The following TRIP11 variants were observed in gnomAD, a reference collection of about 807,000 sequenced individuals.
The protein encoded by TRIP11 is thyroid hormone receptor interactor 11.
A neutral mutation model predicts 223.1 loss-of-function variants in TRIP11; 148 were observed. The observed-to-expected ratio is 0.66, with a 90% CI of 0.58 to 0.76. The LOEUF (loss-of-function observed/expected upper bound fraction) is 0.76, where lower values mean the gene tolerates loss of function less well. Ranked by LOEUF, TRIP11 falls within the 30% of genes least tolerant of loss-of-function variation. The probability of loss-of-function intolerance (pLI) is 0.00; values close to 1 mark genes in which losing one functional copy is unlikely to be tolerated. For synonymous variants in TRIP11, 762 were observed against 772.6 expected (o/e 0.99, Z 0.23); for missense variants, 2,043 against 2,222.0 (o/e 0.92, Z 1.62).
intron 1 of TRIP11, among the ~76,000 whole-genome samples, chr14:92,034,424 C>T (rs868619637): frequency 7.5e-6 from 1 of 133,384 alleles, no homozygotes; most frequent in Non-Finnish European, 1.6e-5. Flanking sequence ...CTCTTGTCTC[C>T]AAAAAAAAAA....
Position 91,988,311 on chromosome 14 carries a change from C to T in TRIP11, c.5233G>A (p.Glu1745Lys). 6.2e-7 allele frequency: 1 copy of T among 1,613,084 alleles called. No homozygotes were observed. The highest frequency in any genetic ancestry group is 1.1e-5 in the South Asian group (1 of 91,000). The change falls in exon 16 of 21, where the codon GAA becomes AAA. Residue 1745 changes from glutamate to lysine, a missense_variant. By Grantham distance (56) the Glu-to-Lys change is moderately conservative. Coordinates refer to ENST00000267622, the MANE Select transcript of TRIP11 (RefSeq NM_004239.4). ...TGTCTTTTAAGTTCTTCAATTTGTT[C>T]TTCTTTTACATCTAACTGTTCTGTA... is the stretch of plus-strand genomic sequence containing the variant. ...RLTEQLDVKE[E>K]QIEELKRQNE...
At chr14:92,003,258 GTC>G (rs1189910855) in intron 11 of TRIP11, among the ~76,000 whole-genome samples, 159 bp downstream of exon 11, 1 of 152,150 alleles carries the variant, frequency 6.6e-6, no homozygotes, top group Non-Finnish European at 1.5e-5. Context: ...ACTTCCAGAT[GTC>G]TCTGAGGAAA....
rs773743269 is a variant in TRIP11 at position 91,968,495 on chromosome 14, G to A, written c.*1178C>T. 15 of 216,096 alleles carry A rather than the reference G, an allele frequency of 6.9e-5. No individual in the cohort carries two copies. Among genetic ancestry groups the A allele is most frequent in the Non-Finnish European group, 1.3e-4 (14 of 107,128 alleles). 13.4% of individuals were successfully genotyped at this position (216,096 alleles called of 1,614,324 possible). A position where few individuals can be genotyped will look rare whatever the true frequency, so the allele number is the denominator to read the frequency against. On this transcript the variant is annotated 3_prime_UTR_variant, in exon 21 of 21. Transcript: ENST00000267622. ...TACCTCATATGTCAACACCGCAGACGGAGGCAGGAAGTGGCATGTTCAGTG... is the reference window on the plus strand; with the variant it reads ...TACCTCATATGTCAACACCGCAGACAGAGGCAGGAAGTGGCATGTTCAGTG...
At position 91,969,325 on chromosome 14, in the gene TRIP11, T is replaced by C; in HGVS notation, c.*348A>G. 1 of 346,800 alleles carries C rather than the reference T, an allele frequency of 2.9e-6. No individual in the cohort carries two copies. Among genetic ancestry groups the C allele is most frequent in the Non-Finnish European group, 5.4e-6 (1 of 186,828 alleles). 21.5% of individuals were successfully genotyped at this position (346,800 alleles called of 1,614,324 possible). ...AACACTCTCTTGATAAACCACAATC[T>C]CTAGCTTAAATGAGCTTGGAAATCA... On this transcript the variant is annotated 3_prime_UTR_variant, in exon 21 of 21. Coordinates refer to ENST00000267622, the MANE Select transcript of TRIP11 (RefSeq NM_004239.4).
intron 9 of TRIP11, among the ~76,000 whole-genome samples, chr14:92,008,351 G>C (rs2140122387): frequency 1.3e-5 from 2 of 152,188 alleles, no homozygotes; most frequent in South Asian, 4.2e-4. Context: ...TCTCTAATTA[G>C]AAAATAAAAG....
chr14:91,997,336 A>G (rs2056763428), intron 13 of TRIP11, among the ~76,000 whole-genome samples: 1 of 152,214 alleles, frequency 6.6e-6, no homozygotes, highest in African/African-American at 2.4e-5. Flanking sequence ...TGTGATAGGT[A>G]GAAAATGAAT....
chr14:92,007,145 C>A (rs913709940), intron 10 of TRIP11, among the ~76,000 whole-genome samples: 4 of 151,966 alleles, frequency 2.6e-5, no homozygotes, highest in African/African-American at 9.7e-5. Context: ...CTGCCTCAGC[C>A]TCCCGAGTAG....
At chr14:91,977,223 T>G (rs1384678328) in intron 16 of TRIP11, 1 of 454,962 alleles carries the variant, frequency 2.2e-6, no homozygotes, top group Admixed American at 2.4e-5. Context: ...ATTCTGTGAG[T>G]TGTCATCTCA....
chr14:92,017,759 G>A lies in TRIP11; in HGVS notation c.589-9C>T. On this transcript the variant is annotated splice_polypyrimidine_tract_variant and intron_variant, in intron 4 of 20. Transcript: ENST00000267622. ...CCTTGTGCTTTGGAAGTCTAGATCA[G>A]AAAAAGAGAATTAGTAAATAATTAT... 1 of 1,608,642 alleles carries A rather than the reference G, an allele frequency of 6.2e-7. No homozygotes were observed. The highest frequency in any genetic ancestry group is 1.1e-5 in the South Asian group (1 of 90,872).
In TRIP11 at chr14:91,972,706, T is replaced by C; in HGVS notation, c.5719+11A>G. ...TTTCAAATTATAGAAAAATTAAATC[T>C]CTAGTTTTACCTTTAAAACTTTCTG... On this transcript the variant is annotated intron_variant, in intron 20 of 20. Transcript: ENST00000267622. The C allele has an allele frequency of 1.2e-6, 2 of 1,602,412 alleles. No individual in the cohort carries two copies. The highest frequency in any genetic ancestry group is 1.7e-6 in the Non-Finnish European group (2 of 1,174,288).
Position 92,004,193 on chromosome 14 carries a change from A to T in TRIP11, c.3783T>A (p.Ser1261=), listed in dbSNP as rs761760820. The change falls in exon 11 of 21, where the codon TCT becomes TCA. Residue 1261 remains serine (S), a synonymous_variant. Transcript: ENST00000267622. ...AQVLVDSDNN[S]KLQVDYTGLI... ...GGCCAGTATAGTCCACTTGTAATTT[A>T]GAATTATTATCACTGTCAACCAAAA... The T allele has an allele frequency of 1.9e-6, 3 of 1,614,178 alleles. No homozygotes were observed. The highest frequency in any genetic ancestry group is 3.3e-5 in the Admixed American group (2 of 60,024).
chr14:92,006,474 T>C, intron 10 of TRIP11, 26 bp from the exon 11 acceptor site: 1 of 1,609,834 alleles, frequency 6.2e-7, no homozygotes, highest in African/African-American at 1.3e-5. Context: ...GCATGGTGAC[T>C]TTACAACATG....
At chr14:91,987,125 G>A (rs1275538536) in intron 16 of TRIP11, among the ~76,000 whole-genome samples, 3 of 152,070 alleles carry the variant, frequency 2.0e-5, no homozygotes, top group Non-Finnish European at 4.4e-5. Context: ...TATGTCAAAT[G>A]TCCATAATAG....
intron 15 of TRIP11, among the ~76,000 whole-genome samples, chr14:91,993,349 G>A (rs186350866): frequency 2.4e-4 from 37 of 151,458 alleles, no homozygotes; most frequent in African/African-American, 6.3e-4. Context: ...GATGGTGCAC[G>A]CCTGTAATCC....
chr14:91,977,258 C>T, intron 16 of TRIP11: 2 of 452,390 alleles, frequency 4.4e-6, no homozygotes, highest in Non-Finnish European at 8.9e-6. Flanking sequence ...TCTTTTGAAA[C>T]ACAAAAGTTT....
chr14:91,979,243 C>T (rs1356324139), intron 16 of TRIP11, among the ~76,000 whole-genome samples: 6 of 126,226 alleles, frequency 4.8e-5, no homozygotes, highest in Admixed American at 1.8e-4. Flanking sequence ...GACAACAGAG[C>T]GAGACCCTGT....
intron 16 of TRIP11, among the ~76,000 whole-genome samples, chr14:91,982,870 T>C (rs1185894666): frequency 6.6e-6 from 1 of 152,158 alleles, no homozygotes; most frequent in Non-Finnish European, 1.5e-5. Context: ...AGATTCTTAT[T>C]TCCACACGGC....
At chr14:91,999,821 G>T in intron 12 of TRIP11, 147 bp downstream of exon 12, 1 of 1,056,990 alleles carries the variant, frequency 9.5e-7, no homozygotes, top group Non-Finnish European at 1.4e-6. Context: ...CACCATGGGA[G>T]ATTAAAATTT....
rs1296249551 is a variant in TRIP11 at position 91,976,291 on chromosome 14, T to A, written c.5261-102A>T. On this transcript the variant is annotated intron_variant, in intron 16 of 20. Transcript: ENST00000267622. ...AGATCTTTATTATAACCTCTGAATA[T>A]ATACACTTATTCTAATTGGGAATAT... 7.5e-6 allele frequency: 7 copies of A among 931,982 alleles called. No individual in the cohort carries two copies. The Admixed American group carries it at 1.4e-4, about 19-fold the overall frequency. The allele number at this position is 931,982 out of a possible 1,614,324, so 57.7% of individuals were successfully genotyped here.
Sources: allele counts gnomAD v4.1 joint callset (sites outside exome capture counted in the v4.1 genomes callset), GRCh38; gene constraint gnomAD v4.1.1; transcripts MANE v1.5; gene names NCBI Gene and HGNC (gene_info 2026-07-23, HGNC 2026-07-21).